The following CHD2 variants were observed in gnomAD, a reference collection of about 807,000 sequenced individuals.
The protein encoded by CHD2 is chromodomain helicase DNA binding protein 2, also known as ATP-dependent chromatin remodeler CHD2.
In CHD2, 28 loss-of-function variants were observed where a neutral mutation model predicts 243.9. The ratio of observed to expected loss-of-function variants is 0.11; its 90% CI spans 0.09 to 0.16. CHD2 has a LOEUF of 0.16. Ranked by LOEUF, CHD2 falls within the 10% of genes least tolerant of loss-of-function variation. The pLI is 1.00. For synonymous variants in CHD2, 775 were observed against 779.0 expected, an observed-to-expected ratio of 0.99 and a Z score of 0.09; for missense variants, 1,386 against 2,209.8, an observed-to-expected ratio of 0.63 and a Z score of 7.47.
intron 35 of CHD2, 102 bp downstream of exon 35, chr15:93,009,425 TC>T: frequency 8.3e-7 from 1 of 1,201,106 alleles, no homozygotes; most frequent in Non-Finnish European, 1.1e-6. Flanking sequence ...AAGAAATCTT[TC>T]TCCCAGCACA....
intron 17 of CHD2, among the ~76,000 whole-genome samples, chr15:92,968,046 T>C (rs2053790341): frequency 6.6e-6 from 1 of 152,158 alleles, no homozygotes; most frequent in Admixed American, 6.5e-5. Flanking sequence ...CTCCATGCAT[T>C]TTGCTTGTTT....
intron 37 of CHD2, among the ~76,000 whole-genome samples, chr15:93,015,330 C>T (rs1234393985): frequency 1.3e-5 from 2 of 152,228 alleles, no homozygotes; most frequent in Non-Finnish European, 2.9e-5. Flanking sequence ...CTGCCCACCT[C>T]AGCCTCCCAA....
rs545422231 is a variant in CHD2, at chr15:92,962,545, T to C, written c.2001-4780T>C. Among the ~76,000 whole-genome samples the C allele has an allele frequency of 6.8e-4, 103 of 152,322 alleles. 2 individuals carry two copies. The highest frequency in any genetic ancestry group is 2.3e-3 in the African/African-American group (95 of 41,584). On this transcript the variant is annotated intron_variant, in intron 16 of 38. Transcript: ENST00000394196. ...TGCTTTAAATGAATTTATTATGACTTATTAAATAGTCTTAGTATGCTTTCT... is the reference window on the plus strand; with the variant it reads ...TGCTTTAAATGAATTTATTATGACTCATTAAATAGTCTTAGTATGCTTTCT...
At chr15:92,931,701 A>T (rs531762893) in intron 5 of CHD2, among the ~76,000 whole-genome samples, 2 of 152,286 alleles carry the variant, frequency 1.3e-5, no homozygotes, top group African/African-American at 4.8e-5. Flanking sequence ...ATATACAAAC[A>T]TAATGTTTTT....
chr15:92,966,539 A>G (rs570801714), intron 16 of CHD2, among the ~76,000 whole-genome samples: 2 of 152,314 alleles, frequency 1.3e-5, no homozygotes, highest in South Asian at 2.1e-4. Flanking sequence ...AAAAGATCAT[A>G]TAATCTGCTT....
At chr15:93,013,641 T>TA (rs2054419906) in intron 36 of CHD2, among the ~76,000 whole-genome samples, 1 of 152,104 alleles carries the variant, frequency 6.6e-6, no homozygotes, top group Non-Finnish European at 1.5e-5. Context: ...CAGTAAGAAA[T>TA]ACATTCAATG....
At position 93,027,842 on chromosome 15, in the gene CHD2, GTAAT is replaced by G. The variant is rs1399576889; in HGVS notation, c.*3143_*3146del. The stretch of plus-strand genomic sequence containing the variant: ...ACTTTTAAAACCTGTTGACTAAACA[GTAAT>G]TAATTTATATTTGTGAAAAATGCCA... On this transcript the variant is annotated 3_prime_UTR_variant, in exon 39 of 39. Transcript: ENST00000394196. 1.3e-5 allele frequency: 2 copies of G among 152,748 alleles called. No homozygotes were observed. Among genetic ancestry groups the G allele is most frequent in the East Asian group, 3.9e-4 (2 of 5,190 alleles). 9.5% of individuals were successfully genotyped at this position (152,748 alleles called of 1,614,324 possible).
chr15:92,967,913 A>G (rs1458224552), intron 17 of CHD2, among the ~76,000 whole-genome samples: 4 of 151,966 alleles, frequency 2.6e-5, no homozygotes, highest in Non-Finnish European at 5.9e-5. Flanking sequence ...ACATGTATGT[A>G]TATCTCCGTT....
At chr15:92,925,362 A>G (rs142355889) in intron 3 of CHD2, among the ~76,000 whole-genome samples, 3 of 152,316 alleles carry the variant, frequency 2.0e-5, no homozygotes, top group African/African-American at 4.8e-5. Context: ...TAGATTTTTC[A>G]TGGAGGAGTT....
At chr15:92,960,246 C>T (rs1023473817) in intron 16 of CHD2, among the ~76,000 whole-genome samples, 41 of 152,094 alleles carry the variant, frequency 2.7e-4, no homozygotes, top group African/African-American at 9.6e-4. Flanking sequence ...GTATATTGTT[C>T]TGTATTTCTT....
In CHD2 at chr15:92,953,585, A is replaced by G. The variant is rs754059204; in HGVS notation, c.1719+12A>G. On this transcript the variant is annotated intron_variant, in intron 14 of 38. Coordinates refer to ENST00000394196, the MANE Select transcript of CHD2 (RefSeq NM_001271.4). ...TGAGCAGAAATACGGTGTGTAAACA[A>G]AAAGAGCTGGGTTAGAATCTGTGTT... 50 of 1,609,134 alleles carry G rather than the reference A, an allele frequency of 3.1e-5. No homozygotes were observed. The highest frequency in any genetic ancestry group is 9.9e-5 in the South Asian group (9 of 90,968).
chr15:92,904,513 T>C, intron 2 of CHD2: 1 of 995,080 alleles, frequency 1.0e-6, no homozygotes, highest in Non-Finnish European at 1.2e-6. Context: ...GGAACTCTAG[T>C]TGGGACTTTC....
At chr15:92,930,729 T>C (rs1354904108) in intron 5 of CHD2, among the ~76,000 whole-genome samples, 1 of 152,192 alleles carries the variant, frequency 6.6e-6, no homozygotes, top group Non-Finnish European at 1.5e-5. Flanking sequence ...CCGCCACTTA[T>C]CAGTCTTAAG....
At chr15:93,003,606 G>C (rs368804197) in intron 33 of CHD2, among the ~76,000 whole-genome samples, 3 of 148,748 alleles carry the variant, frequency 2.0e-5, no homozygotes, top group East Asian at 3.9e-4. Context: ...GGGGCCAGGC[G>C]GGGGGAGACG....
intron 37 of CHD2, among the ~76,000 whole-genome samples, chr15:93,016,347 C>T (rs931446529): frequency 1.3e-5 from 2 of 151,862 alleles, no homozygotes; most frequent in Admixed American, 6.6e-5. Flanking sequence ...TTACCAGGGT[C>T]GGAGGGCAGG....
intron 38 of CHD2, chr15:93,021,294 A>G (rs2054532297): frequency 6.6e-6 from 1 of 151,662 alleles, no homozygotes; most frequent in Non-Finnish European, 1.5e-5. Context: ...GTTCCTCTTT[A>G]CATAATGTTC....
At chr15:92,942,370 A>G (rs1295816297) in intron 8 of CHD2, among the ~76,000 whole-genome samples, 1 of 152,032 alleles carries the variant, frequency 6.6e-6, no homozygotes. Flanking sequence ...CTGTAAAGGA[A>G]ATACCAAAAT....
chr15:92,940,887 TATA>T (rs1383640612), intron 7 of CHD2, among the ~76,000 whole-genome samples: 2 of 85,548 alleles, frequency 2.3e-5, no homozygotes, highest in Admixed American at 1.6e-4. Flanking sequence ...TATAAATATA[TATA>T]AAAATATATA....
chr15:92,929,758 T>G (rs983917811), intron 5 of CHD2, among the ~76,000 whole-genome samples: 5 of 152,210 alleles, frequency 3.3e-5, no homozygotes, highest in Admixed American at 3.3e-4. Flanking sequence ...AATGTAGATA[T>G]TCAAAACTTT....
Sources: allele counts gnomAD v4.1 joint callset (sites outside exome capture counted in the v4.1 genomes callset), GRCh38; gene constraint gnomAD v4.1.1; transcripts MANE v1.5; gene names NCBI Gene and HGNC (gene_info 2026-07-23, HGNC 2026-07-21).